CEP85L: variants seen among roughly 807,000 people sequenced by gnomAD.
CEP85L encodes the protein centrosomal protein of 85 kDa-like.
In CEP85L, 60 loss-of-function variants were observed where a neutral mutation model predicts 100.3. That is an observed-to-expected ratio of 0.60 (90% CI 0.49 to 0.74). The LOEUF (loss-of-function observed/expected upper bound fraction) is 0.74. CEP85L is among the 30% of genes least tolerant of loss of function. CEP85L has a pLI of 0.00. For missense variants in CEP85L, 973 were observed against 936.2 expected, an observed-to-expected ratio of 1.04 and a Z score of -0.51; for synonymous variants, 319 against 322.7, an observed-to-expected ratio of 0.99 and a Z score of 0.12.
chr6:118,540,244 C>T (rs1777832444), intron 3 of CEP85L, among the ~76,000 whole-genome samples: 1 of 152,004 alleles, frequency 6.6e-6, no homozygotes, highest in African/African-American at 2.4e-5. Context: ...GCAGTGGTTC[C>T]TTTCCTGTAT....
chr6:118,536,937 T>C (rs1777628796), intron 3 of CEP85L, among the ~76,000 whole-genome samples: 1 of 152,174 alleles, frequency 6.6e-6, no homozygotes, highest in African/African-American at 2.4e-5. Flanking sequence ...GAATTTTTAT[T>C]CAGTAAAGTC....
At chr6:118,673,279 C>T (rs1328977875) in intron 1 of CEP85L, among the ~76,000 whole-genome samples, 1 of 152,170 alleles carries the variant, frequency 6.6e-6, no homozygotes, top group Non-Finnish European at 1.5e-5. Flanking sequence ...TCAAGATATT[C>T]ATCTGAGTTT....
At chr6:118,680,110 A>AC (rs1173766881) in intron 1 of CEP85L, among the ~76,000 whole-genome samples, 2 of 151,230 alleles carry the variant, frequency 1.3e-5, no homozygotes, top group Non-Finnish European at 2.9e-5. Context: ...ACACAGTGAG[A>AC]CCCCCACCCC....
chr6:118,504,529 C>T (rs1775520405), intron 5 of CEP85L, among the ~76,000 whole-genome samples: 1 of 152,168 alleles, frequency 6.6e-6, no homozygotes, highest in South Asian at 2.1e-4. Flanking sequence ...TCTCCACATT[C>T]CTTATCTCAT....
chr6:118,534,145 C>A (rs944095166), intron 3 of CEP85L, among the ~76,000 whole-genome samples: 1 of 151,978 alleles, frequency 6.6e-6, no homozygotes, highest in Non-Finnish European at 1.5e-5. Flanking sequence ...CATTAATAGA[C>A]CAATTAAAAA....
chr6:118,626,578 C>T (rs151019473), intron 2 of CEP85L, among the ~76,000 whole-genome samples: 85 of 152,254 alleles, frequency 5.6e-4, no homozygotes, highest in African/African-American at 1.9e-3. Context: ...ACATTCTTCC[C>T]GCCTCACGTA....
chr6:118,520,848 A>C (rs1776623419), intron 4 of CEP85L, among the ~76,000 whole-genome samples: 1 of 152,128 alleles, frequency 6.6e-6, no homozygotes, highest in Non-Finnish European at 1.5e-5. Flanking sequence ...AATCACCTAA[A>C]TGGTTATAGT....
chr6:118,701,021 T>C (rs1777387689), intron 1 of CEP85L, among the ~76,000 whole-genome samples: 1 of 152,162 alleles, frequency 6.6e-6, no homozygotes, highest in African/African-American at 2.4e-5. Flanking sequence ...AGCATAACGC[T>C]TCCTATGTAC....
intron 1 of CEP85L, among the ~76,000 whole-genome samples, chr6:118,683,682 A>G (rs1562357829): frequency 6.6e-6 from 1 of 152,218 alleles, no homozygotes; most frequent in Non-Finnish European, 1.5e-5. Flanking sequence ...GCTGGATGTA[A>G]TATGTCTACT....
chr6:118,526,053 G>C (rs1385919193), intron 3 of CEP85L, among the ~76,000 whole-genome samples: 1 of 152,208 alleles, frequency 6.6e-6, no homozygotes, highest in Non-Finnish European at 1.5e-5. Flanking sequence ...ACTAAGGATA[G>C]AGATCAGTTG....
chr6:118,675,978 A>G (rs1174222615), intron 1 of CEP85L, among the ~76,000 whole-genome samples: 1 of 152,226 alleles, frequency 6.6e-6, no homozygotes, highest in African/African-American at 2.4e-5. Context: ...CTAATTTCCC[A>G]AAGAAGATCA....
intron 6 of CEP85L, among the ~76,000 whole-genome samples, chr6:118,485,721 C>G (rs889604616): frequency 2.0e-5 from 3 of 152,194 alleles, no homozygotes; most frequent in African/African-American, 7.2e-5. Context: ...GACTGAAAAT[C>G]AACTTTCTTT....
intron 5 of CEP85L, among the ~76,000 whole-genome samples, chr6:118,511,084 G>A (rs1175462524): frequency 6.6e-6 from 1 of 152,160 alleles, no homozygotes; most frequent in Non-Finnish European, 1.5e-5. Flanking sequence ...ACCAGAAACT[G>A]ACAACAGTAG....
At chr6:118,546,797 T>C (rs1469537026) in intron 3 of CEP85L, among the ~76,000 whole-genome samples, 2 of 152,136 alleles carry the variant, frequency 1.3e-5, no homozygotes, top group African/African-American at 4.8e-5. Flanking sequence ...TATGTAAGGA[T>C]TGAAAGAAAA....
intron 2 of CEP85L, among the ~76,000 whole-genome samples, chr6:118,615,416 A>C (rs1772964067): frequency 7.2e-6 from 1 of 138,674 alleles, no homozygotes; most frequent in Non-Finnish European, 1.6e-5. Flanking sequence ...ACACATAATA[A>C]CTCTACCCAA....
At chr6:118,670,348 TGATA>T (rs1198814942) in intron 1 of CEP85L, among the ~76,000 whole-genome samples, 1 of 151,992 alleles carries the variant, frequency 6.6e-6, no homozygotes, top group African/African-American at 2.4e-5. Flanking sequence ...GCATAGTACC[TGATA>T]GATAGTTTTT....
At chr6:118,533,246 AAG>A (rs1273955928) in intron 3 of CEP85L, among the ~76,000 whole-genome samples, 3 of 152,134 alleles carry the variant, frequency 2.0e-5, no homozygotes, top group Non-Finnish European at 4.4e-5. Context: ...TAGACTGAGA[AAG>A]AAAAAAAGAA....
intron 10 of CEP85L, among the ~76,000 whole-genome samples, chr6:118,476,852 G>T (rs1038297534): frequency 6.6e-6 from 1 of 152,120 alleles, no homozygotes; most frequent in African/African-American, 2.4e-5. Context: ...CTAAGTTCTT[G>T]CAATTAGTAA....
chr6:118,685,378 C>A (rs1368896419), intron 1 of CEP85L, among the ~76,000 whole-genome samples: 1 of 151,982 alleles, frequency 6.6e-6, no homozygotes, highest in Non-Finnish European at 1.5e-5. Context: ...ATATTTTTTT[C>A]TTTATAGAAA....
Sources: allele counts gnomAD v4.1 joint callset (sites outside exome capture counted in the v4.1 genomes callset), GRCh38; gene constraint gnomAD v4.1.1; transcripts MANE v1.5; gene names NCBI Gene and HGNC (gene_info 2026-07-23, HGNC 2026-07-21).